AGBL3: variants seen among roughly 807,000 people sequenced by gnomAD.
The protein encoded by AGBL3 is AGBL carboxypeptidase 3.
In AGBL3, 68 loss-of-function variants were observed where a neutral mutation model predicts 94.5. The ratio of observed to expected loss-of-function variants is 0.72; its 90% CI spans 0.59 to 0.88. AGBL3 has a LOEUF of 0.88. Ranked by LOEUF, AGBL3 falls within the 40% of genes least tolerant of loss-of-function variation. AGBL3 has a pLI of 0.00. For missense variants in AGBL3, 934 were observed against 1,103.8 expected, an observed-to-expected ratio of 0.85 and a Z score of 2.18; for synonymous variants, 354 against 370.7, an observed-to-expected ratio of 0.95 and a Z score of 0.52.
intron 5 of AGBL3, among the ~76,000 whole-genome samples, chr7:135,031,298 C>T (rs781128374): frequency 1.4e-4 from 21 of 152,044 alleles, no homozygotes; most frequent in Non-Finnish European, 2.2e-4. Context: ...CTCGCTCTGT[C>T]GCCTAGGCTG....
chr7:135,093,822 T>TAA (rs752973332), intron 15 of AGBL3: 5 of 152,198 alleles, frequency 3.3e-5, no homozygotes, highest in African/African-American at 4.8e-5. Flanking sequence ...AGAACAATGT[T>TAA]TAAGGATTCC....
At chr7:135,128,811 T>A (rs1317063938) in intron 16 of AGBL3, 2 of 1,173,346 alleles carry the variant, frequency 1.7e-6, no homozygotes, top group Non-Finnish European at 2.6e-6. Context: ...AAGAGGAAAC[T>A]GTGGATGAGA....
Position 135,034,129 on chromosome 7 carries a change from C to G in AGBL3, c.558-20C>G, listed in dbSNP as rs981632223. ...TTTACATTCTTACGTGCTTTTTTCCCTTTCTTTCTTGTGTATTAGGGCAGA... is the reference window on the plus strand; with the variant it reads ...TTTACATTCTTACGTGCTTTTTTCCGTTTCTTTCTTGTGTATTAGGGCAGA... On this transcript the variant is annotated intron_variant, in intron 6 of 16. Transcript: ENST00000436302. 19 of 1,374,404 alleles carry G rather than the reference C, an allele frequency of 1.4e-5. No homozygotes were observed. The highest frequency in any genetic ancestry group is 1.5e-5 in the Non-Finnish European group (16 of 1,055,624). 85.1% of individuals were successfully genotyped at this position (1,374,404 alleles called of 1,614,324 possible). A position where few individuals can be genotyped will look rare whatever the true frequency, so the allele number is the denominator to read the frequency against.
intron 4 of AGBL3, chr7:135,012,265 A>G (rs1216846342): frequency 1.3e-5 from 2 of 152,158 alleles, no homozygotes; most frequent in Non-Finnish European, 2.9e-5. Flanking sequence ...CATATATATG[A>G]ATGCTTAGGT....
intron 12 of AGBL3, among the ~76,000 whole-genome samples, chr7:135,059,941 T>TG (rs1055532601): frequency 1.1e-4 from 17 of 152,238 alleles, no homozygotes; most frequent in Non-Finnish European, 2.4e-4. Flanking sequence ...CTCATGGGTC[T>TG]GCCGGTTGGC....
chr7:135,055,400 G>C (rs1247100732), intron 11 of AGBL3, among the ~76,000 whole-genome samples: 1 of 152,194 alleles, frequency 6.6e-6, no homozygotes, highest in Non-Finnish European at 1.5e-5. Flanking sequence ...ATGTATGTTA[G>C]CTGTAAGGTT....
At chr7:135,105,048 T>C (rs1420605666) in intron 15 of AGBL3, among the ~76,000 whole-genome samples, 1 of 150,514 alleles carries the variant, frequency 6.6e-6, no homozygotes. Flanking sequence ...AGGGTTTTTA[T>C]AGTTTTGGGT....
intron 15 of AGBL3, among the ~76,000 whole-genome samples, chr7:135,087,260 G>C (rs1821403604): frequency 6.6e-6 from 1 of 150,464 alleles, no homozygotes; most frequent in South Asian, 2.1e-4. Flanking sequence ...ATGTTTTGTT[G>C]ATTTTATCTT....
At chr7:135,122,047 C>T (rs1827212479) in intron 16 of AGBL3, among the ~76,000 whole-genome samples, 1 of 152,234 alleles carries the variant, frequency 6.6e-6, no homozygotes, top group Non-Finnish European at 1.5e-5. Context: ...AGCACCACAG[C>T]TGTGTCTGCC....
intron 15 of AGBL3, among the ~76,000 whole-genome samples, chr7:135,108,697 T>C (rs1825148905): frequency 6.6e-6 from 1 of 152,208 alleles, no homozygotes; most frequent in African/African-American, 2.4e-5. Flanking sequence ...TTGTATAGAA[T>C]CTTGCAGGGG....
chr7:135,011,560 A>T (rs541445483), intron 4 of AGBL3: 1 of 152,306 alleles, frequency 6.6e-6, no homozygotes, highest in African/African-American at 2.4e-5. Flanking sequence ...TGAAAGTAAT[A>T]AGAAAAGACA....
intron 7 of AGBL3, among the ~76,000 whole-genome samples, chr7:135,035,158 G>C (rs1374457656): frequency 6.6e-6 from 1 of 151,860 alleles, no homozygotes; most frequent in Non-Finnish European, 1.5e-5. Flanking sequence ...TAATGAAACA[G>C]ATTCTAGAAT....
chr7:135,026,193 AC>A (rs1815073314), intron 5 of AGBL3, among the ~76,000 whole-genome samples: 1 of 149,550 alleles, frequency 6.7e-6, no homozygotes, highest in Non-Finnish European at 1.5e-5. Flanking sequence ...AATTGAAATC[AC>A]CCCAAGCACA....
At chr7:135,079,631 A>AT (rs1820752384) in intron 13 of AGBL3, among the ~76,000 whole-genome samples, 1 of 21,050 alleles carries the variant, frequency 4.8e-5, no homozygotes, top group African/African-American at 1.9e-4. Context: ...ACTCCCCACT[A>AT]ATTTTTTTTT....
chr7:135,054,700 A>G (rs1164316755), intron 11 of AGBL3, among the ~76,000 whole-genome samples: 1 of 152,206 alleles, frequency 6.6e-6, no homozygotes, highest in African/African-American at 2.4e-5. Context: ...AAACATAAAT[A>G]TGTGTGTATA....
intron 12 of AGBL3, among the ~76,000 whole-genome samples, chr7:135,067,824 C>G (rs1278836696): frequency 1.3e-5 from 2 of 152,188 alleles, no homozygotes; most frequent in Non-Finnish European, 2.9e-5. Flanking sequence ...CTCTAAAAAT[C>G]AGAGCGCCTC....
Position 134,993,512 on chromosome 7 carries a change from C to G in AGBL3, c.144C>G (p.Pro48=). The stretch of plus-strand genomic sequence containing the variant: ...TCTCAGCTGACTCTTTTGGTGATCC[C>G]TTCTTCCCCCGGACTACACAGATAC... ...ALLTADSFGD[P]FFPRTTQILL... The change falls in exon 4 of 17, where the codon CCC becomes CCG. Residue 48 remains proline (P), a synonymous_variant. Coordinates refer to ENST00000436302, the MANE Select transcript of AGBL3 (RefSeq NM_178563.4). 1 of 1,547,608 alleles carries G rather than the reference C, an allele frequency of 6.5e-7. No homozygotes were observed. Among genetic ancestry groups the G allele is most frequent in the Non-Finnish European group, 8.7e-7 (1 of 1,145,522 alleles).
At chr7:135,121,760 G>A (rs1827166087) in intron 16 of AGBL3, among the ~76,000 whole-genome samples, 1 of 152,130 alleles carries the variant, frequency 6.6e-6, no homozygotes, top group African/African-American at 2.4e-5. Context: ...CCACAGAGAG[G>A]AAGAACAGTG....
intron 16 of AGBL3, among the ~76,000 whole-genome samples, chr7:135,130,438 G>T (rs1828572948): frequency 6.6e-6 from 1 of 152,008 alleles, no homozygotes; most frequent in Admixed American, 6.6e-5. Context: ...ACTTTCCTGG[G>T]TGTTAGAGCC....
Sources: gnomAD v4.1 joint callset for allele counts (sites outside exome capture counted in the v4.1 genomes callset) on GRCh38, gnomAD v4.1.1 for gene constraint, MANE v1.5 for transcripts, NCBI Gene and HGNC (gene_info 2026-07-23, HGNC 2026-07-21) for gene names.